Variants in POLB observed in about 807,000 individuals in gnomAD.
POLB encodes DNA polymerase beta.
In POLB, 37 loss-of-function variants were observed where a neutral mutation model predicts 52.7. The observed-to-expected ratio is 0.70, with a 90% CI of 0.54 to 0.92. POLB has a LOEUF of 0.92. Ranked by LOEUF, POLB falls within the 40% of genes least tolerant of loss-of-function variation. POLB has a pLI of 0.00. For missense variants in POLB, 313 were observed against 400.8 expected (o/e 0.78, Z 1.87); for synonymous variants, 138 against 131.3 (o/e 1.05, Z -0.35).
chr8:42,345,877 C>T (rs1822578729), intron 3 of POLB, among the ~76,000 whole-genome samples: 1 of 152,128 alleles, frequency 6.6e-6, no homozygotes, highest in Admixed American at 6.5e-5. Flanking sequence ...ATTTAAGGAC[C>T]ATATCTTATT....
At chr8:42,362,563 A>G (rs774656110) in intron 10 of POLB, 49 bp from the exon 11 acceptor site, 1 of 1,110,444 alleles carries the variant, frequency 9.0e-7, no homozygotes, top group Admixed American at 1.8e-5. Context: ...TTTTCTTGCC[A>G]TTACAAAGTA....
intron 5 of POLB, among the ~76,000 whole-genome samples, chr8:42,352,008 G>C (rs1050580783): frequency 2.6e-5 from 4 of 152,114 alleles, no homozygotes; most frequent in African/African-American, 9.7e-5. Context: ...CTAGATAGCT[G>C]GTTCTTTAGT....
At chr8:42,355,332 C>T (rs1357648836) in intron 6 of POLB, 184 bp from the exon 7 acceptor site, 1 of 488,802 alleles carries the variant, frequency 2.0e-6, no homozygotes, top group Non-Finnish European at 3.8e-6. Flanking sequence ...GCCACCACGC[C>T]TGGCCCTGAA....
At position 42,338,799 on chromosome 8, in the gene POLB, G is replaced by A. The variant is rs1237869150; in HGVS notation, c.61+114G>A. 6.1e-6 allele frequency: 7 copies of A among 1,143,072 alleles called. No homozygotes were observed. In the African/African-American group the frequency reaches 9.1e-5, roughly 15 times the overall value. 70.8% of individuals were successfully genotyped at this position (1,143,072 alleles called of 1,614,324 possible). A position where few individuals can be genotyped will look rare whatever the true frequency, so the allele number is the denominator to read the frequency against. ...GGGTAGGGTAGGTTCCTTGCAGCGGGTCGTCTTCCGTGGGGATCTCCCTCC... is the reference window on the plus strand; with the variant it reads ...GGGTAGGGTAGGTTCCTTGCAGCGGATCGTCTTCCGTGGGGATCTCCCTCC... On this transcript the variant is annotated intron_variant, in intron 1 of 13. Transcript: ENST00000265421.
intron 6 of POLB, among the ~76,000 whole-genome samples, chr8:42,355,259 C>T (rs759323958): frequency 1.3e-5 from 2 of 151,784 alleles, no homozygotes; most frequent in South Asian, 2.1e-4. Flanking sequence ...AGGCTGGTCT[C>T]GAACTCCTGA....
intron 9 of POLB, 152 bp downstream of exon 9, chr8:42,357,544 G>T: frequency 3.9e-6 from 2 of 506,768 alleles, no homozygotes; most frequent in South Asian, 3.5e-5. Flanking sequence ...GTTTATAGAT[G>T]GGAATATGTA....
rs191248183 is a variant in POLB, at chr8:42,362,953, C to T, written c.708+255C>T. On this transcript the variant is annotated intron_variant, in intron 11 of 13. Coordinates refer to ENST00000265421, the MANE Select transcript of POLB (RefSeq NM_002690.3). ...CATGCTGACCAACATGGAGAAACCC[C>T]GTCTCTGCTAAAAACACAAAATTGG... Among the ~76,000 whole-genome samples, 203 of 151,830 alleles carry T rather than the reference C, an allele frequency of 1.3e-3. 2 individuals carry two copies. The highest frequency in any genetic ancestry group is 4.3e-3 in the African/African-American group (180 of 41,398).
chr8:42,354,063 G>A (rs1823149275), intron 6 of POLB, among the ~76,000 whole-genome samples: 1 of 152,086 alleles, frequency 6.6e-6, no homozygotes, highest in Non-Finnish European at 1.5e-5. Flanking sequence ...TGGCTAAAGG[G>A]GTCAAGAATC....
intron 9 of POLB, 158 bp downstream of exon 9, chr8:42,357,550 A>AT (rs1823396226): frequency 1.4e-5 from 7 of 508,084 alleles, no homozygotes; most frequent in Non-Finnish European, 2.4e-5. Flanking sequence ...AGATGGGAAT[A>AT]TGTAACTAGG....
At chr8:42,352,024 A>G (rs1345708392) in intron 5 of POLB, among the ~76,000 whole-genome samples, 1 of 152,200 alleles carries the variant, frequency 6.6e-6, no homozygotes, top group Non-Finnish European at 1.5e-5. Flanking sequence ...TTAGTCATTC[A>G]AACCTCAGCT....
intron 5 of POLB, among the ~76,000 whole-genome samples, chr8:42,351,166 G>A (rs1027585374): frequency 6.6e-6 from 1 of 152,092 alleles, no homozygotes; most frequent in African/African-American, 2.4e-5. Flanking sequence ...TGAACCACAA[G>A]GTGTTTTAGA....
At chr8:42,338,953 A>G in intron 1 of POLB, 59 bp from the exon 2 acceptor site, 1 of 1,428,476 alleles carries the variant, frequency 7.0e-7, no homozygotes, top group Non-Finnish European at 9.9e-7. Flanking sequence ...CTTCCAGAAA[A>G]CAGTTCTCGT....
At chr8:42,341,811 T>G in intron 2 of POLB, 1 of 520,018 alleles carries the variant, frequency 1.9e-6, no homozygotes, top group South Asian at 1.8e-5. Context: ...AAGCTTGCCT[T>G]CTTTTGAGCT....
intron 9 of POLB, among the ~76,000 whole-genome samples, chr8:42,359,960 T>G (rs1305824377): frequency 1.3e-5 from 2 of 151,990 alleles, no homozygotes; most frequent in East Asian, 3.9e-4. Flanking sequence ...TTTTTCTTTT[T>G]TTTTTGAGGC....
chr8:42,369,838 A>AT lies in POLB; in HGVS notation c.774-3dup, dbSNP rs747152490. 61 of 1,555,046 alleles carry AT rather than the reference A, an allele frequency of 3.9e-5. No homozygotes were observed. The highest frequency in any genetic ancestry group is 1.2e-4 in the African/African-American group (9 of 72,214). On this transcript the variant is annotated splice_polypyrimidine_tract_variant and intron_variant, in intron 12 of 13. Coordinates refer to ENST00000265421, the MANE Select transcript of POLB (RefSeq NM_002690.3). ...TGGTAAAAAAATGTATCTACTGTCC[A>AT]TTTTTTTTAGGTTGATACCCAAAGA...
intron 4 of POLB, among the ~76,000 whole-genome samples, chr8:42,349,538 G>A (rs1434882918): frequency 1.3e-5 from 2 of 151,986 alleles, no homozygotes; most frequent in African/African-American, 2.4e-5. Context: ...ACAGGCGCCC[G>A]CCACCACACC....
chr8:42,344,418 G>A (rs1194960835), intron 2 of POLB, among the ~76,000 whole-genome samples: 2 of 151,086 alleles, frequency 1.3e-5, no homozygotes, highest in African/African-American at 2.4e-5. Context: ...GTGGTGAGCC[G>A]AGATTGCGCC....
At chr8:42,370,331 A>C in intron 13 of POLB, 2 of 369,598 alleles carry the variant, frequency 5.4e-6, no homozygotes, top group Non-Finnish European at 5.0e-6. Context: ...CTCAAGTATC[A>C]TTGTTTTCAG....
chr8:42,341,701 A>AT (rs895641974), intron 2 of POLB: 1,643 of 271,036 alleles, frequency 6.1e-3, no homozygotes, highest in Middle Eastern at 0.013. Context: ...AGTGGGAACA[A>AT]TTTTTTTTTT....
Sources: allele counts gnomAD v4.1 joint callset (sites outside exome capture counted in the v4.1 genomes callset), GRCh38; gene constraint gnomAD v4.1.1; transcripts MANE v1.5; gene names NCBI Gene and HGNC (gene_info 2026-07-23, HGNC 2026-07-21).